NBPF26: variants seen among roughly 807,000 people sequenced by gnomAD.
NBPF26 encodes the protein NBPF member 26.
In NBPF26, 79 loss-of-function variants were observed where a neutral mutation model predicts 119.6. The ratio of observed to expected loss-of-function variants is 0.66; its 90% CI spans 0.55 to 0.80. NBPF26 has a LOEUF of 0.80. NBPF26 is among the 30% of genes least tolerant of loss of function. NBPF26 has a pLI of 0.00. For missense variants in NBPF26, 800 were observed against 1,198.2 expected (o/e 0.67, Z 4.91); for synonymous variants, 299 against 457.7 (o/e 0.65, Z 4.43).
At chr1:120,811,190 G>A (rs1651855406) in intron 9 of NBPF26, among the ~76,000 whole-genome samples, 1 of 105,846 alleles carries the variant, frequency 9.4e-6, no homozygotes, top group South Asian at 2.7e-4. Flanking sequence ...GGAGCTTGCA[G>A]TGAGCCAAGA....
intron 4 of NBPF26, among the ~76,000 whole-genome samples, chr1:120,794,187 A>G (rs1651529289): frequency 8.6e-6 from 1 of 116,524 alleles, no homozygotes; most frequent in Non-Finnish European, 1.6e-5. Flanking sequence ...CACTGATACA[A>G]GTGTTGTAGA....
intron 4 of NBPF26, among the ~76,000 whole-genome samples, chr1:120,801,401 G>A (rs1239825858): frequency 8.8e-6 from 1 of 113,262 alleles, no homozygotes; most frequent in Non-Finnish European, 1.7e-5. Flanking sequence ...TATGGTAAAA[G>A]ACACTGAAAT....
In NBPF26 at chr1:120,729,758, G is replaced by C. The variant is rs1267971817; in HGVS notation, c.73+5508G>C. 2.6e-5 allele frequency among the ~76,000 whole-genome samples: 3 copies of C among 117,096 alleles called. 1 individual carries two copies. Among genetic ancestry groups the C allele is most frequent in the Non-Finnish European group, 4.9e-5 (3 of 61,020 alleles). The allele number at this position is 117,096 out of a possible 152,430, so 76.8% of individuals were successfully genotyped here. ...GCTCAGGTGTTCTCATGGAGATTCTGATTCAGTGCATCTGGAGTGTCATCT... is the reference window on the plus strand; with the variant it reads ...GCTCAGGTGTTCTCATGGAGATTCTCATTCAGTGCATCTGGAGTGTCATCT... On this transcript the variant is annotated intron_variant, in intron 1 of 29. Transcript: ENST00000620612.
intron 1 of NBPF26, among the ~76,000 whole-genome samples, chr1:120,728,544 C>T (rs1650840467): frequency 8.5e-6 from 1 of 117,230 alleles, no homozygotes; most frequent in Non-Finnish European, 1.6e-5. Flanking sequence ...CCATCCACCC[C>T]CTGCCTCTCA....
Position 120,730,807 on chromosome 1 carries a change from T to C in NBPF26, c.73+6557T>C, listed in dbSNP as rs1322947575. 7.6e-5 allele frequency among the ~76,000 whole-genome samples: 3 copies of C among 39,264 alleles called. No individual in the cohort carries two copies. The South Asian group carries it at 1.7e-3, about 22-fold the overall frequency. The allele number at this position is 39,264 out of a possible 152,430, so 25.8% of individuals were successfully genotyped here. On this transcript the variant is annotated intron_variant, in intron 1 of 29. Transcript: ENST00000620612. ...CCTTGGCACTAACATTTGCTATCTT[T>C]GTAGCTCTGCTGTCTTAGTGGTGTA...
exon 4 of NBPF26, chr1:120,793,443 G>A: frequency 2.8e-6 from 4 of 1,441,328 alleles, no homozygotes; most frequent in Non-Finnish European, 3.7e-6. Context: ...TGTGTCAATG[G>A]AGGCACCTGT....
At position 120,816,704 on chromosome 1, in the gene NBPF26, C is replaced by G. The variant is rs1188081327; in HGVS notation, c.2248C>G (p.Pro750Ala). Residue 750 changes from proline to alanine, a missense_variant, in exon 14 of 30, where the codon CCT becomes GCT. Around this residue, in one of 13 missense-constraint regions of NBPF26, gnomAD observed 59 missense variants for 112.3 expected, o/e 0.53. Coordinates refer to ENST00000620612, the Ensembl canonical transcript of NBPF26. ...CATCACTTGTTCAAATAGCCATGGC[C>G]CTTATGACTGCAACCAGCCACATAG... 2 of 1,201,968 alleles carry G rather than the reference C, an allele frequency of 1.7e-6. 1 individual carries two copies. The highest frequency in any genetic ancestry group is 2.3e-6 in the Non-Finnish European group (2 of 879,338). The allele number at this position is 1,201,968 out of a possible 1,614,324, so 74.5% of individuals were successfully genotyped here.
chr1:120,810,354 C>A, exon 9 of NBPF26: 2 of 1,591,208 alleles, frequency 1.3e-6, no homozygotes, highest in Non-Finnish European at 1.7e-6. Flanking sequence ...CAGGGAGGTG[C>A]AGAAGACTGA....
intron 21 of NBPF26, among the ~76,000 whole-genome samples, chr1:120,831,783 G>GTC (rs1571047905): frequency 3.2e-4 from 7 of 21,792 alleles, no homozygotes; most frequent in South Asian, 1.3e-3. Context: ...GTGTGTGTGT[G>GTC]TGTGTGTCTA....
In NBPF26 at chr1:120,840,292, G is replaced by A. The variant is rs1553273373; in HGVS notation, c.4104-58G>A. On this transcript the variant is annotated intron_variant, in intron 29 of 29. Coordinates refer to ENST00000620612, the Ensembl canonical transcript of NBPF26. The stretch of plus-strand genomic sequence containing the variant: ...CTTATGTTACTTCTGAAATCTAGTG[G>A]GGCTCTGTGGTGTCCGATTTTCCCT... 1.4e-5 allele frequency: 20 copies of A among 1,443,396 alleles called. 5 individuals carry two copies. The African/African-American group carries it at 2.9e-4, about 21-fold the overall frequency. The allele number at this position is 1,443,396 out of a possible 1,614,324, so 89.4% of individuals were successfully genotyped here. A position where few individuals can be genotyped will look rare whatever the true frequency, so the allele number is the denominator to read the frequency against.
At chr1:120,806,044 C>T (rs1242444484) in intron 5 of NBPF26, among the ~76,000 whole-genome samples, 1 of 105,628 alleles carries the variant, frequency 9.5e-6, no homozygotes, top group Non-Finnish European at 1.8e-5. Context: ...CTCCAAGGGG[C>T]TCAATCATGT....
At chr1:120,833,236 T>G (rs1652397180) in intron 23 of NBPF26, among the ~76,000 whole-genome samples, 1 of 114,332 alleles carries the variant, frequency 8.7e-6, no homozygotes, top group South Asian at 2.8e-4. Context: ...ATTTTGAGCA[T>G]ATTTTATGGA....
At position 120,792,520 on chromosome 1, in the gene NBPF26, G is replaced by T. The variant is rs1352053699; in HGVS notation, c.416-641G>T. ...AAGGGAAGTTGATTTTTTTTTTTTT[G>T]AAATAGAGTCTTGCTGTGTCGCCCA... On this transcript the variant is annotated intron_variant, in intron 3 of 29. Coordinates refer to ENST00000620612, the Ensembl canonical transcript of NBPF26. 1.5e-4 allele frequency among the ~76,000 whole-genome samples: 17 copies of T among 109,824 alleles called. 2 individuals are homozygous for T. Among genetic ancestry groups the T allele is most frequent in the Admixed American group, 9.6e-4 (11 of 11,428 alleles). The allele number at this position is 109,824 out of a possible 152,430, so 72.0% of individuals were successfully genotyped here.
In NBPF26 at chr1:120,747,637, A is replaced by G. The variant is rs1650990717; in HGVS notation, c.74-15991A>G. Among the ~76,000 whole-genome samples, 2 of 28,124 alleles carry G rather than the reference A, an allele frequency of 7.1e-5. 1 individual carries two copies. Among genetic ancestry groups the G allele is most frequent in the African/African-American group, 8.8e-4 (2 of 2,270 alleles). 18.5% of individuals were successfully genotyped at this position (28,124 alleles called of 152,430 possible). A position where few individuals can be genotyped will look rare whatever the true frequency, so the allele number is the denominator to read the frequency against. On this transcript the variant is annotated intron_variant, in intron 1 of 29. Transcript: ENST00000620612. The stretch of plus-strand genomic sequence containing the variant: ...CATATGTTAACTCTAAGTAAAGCTT[A>G]TTATATGTTTTTTAGCCCATAAATA...
At position 120,811,418 on chromosome 1, in the gene NBPF26, G is replaced by A. The variant is rs1456350784; in HGVS notation, c.1565-468G>A. 1.1e-4 allele frequency among the ~76,000 whole-genome samples: 12 copies of A among 107,146 alleles called. 4 individuals carry two copies. The highest frequency in any genetic ancestry group is 5.6e-4 in the African/African-American group (9 of 16,196). 70.3% of individuals were successfully genotyped at this position (107,146 alleles called of 152,430 possible). On this transcript the variant is annotated intron_variant, in intron 9 of 29. Transcript: ENST00000620612. ...AAAATTAGCTGGCATGTTACTTGGC[G>A]CTTGTAATCCCAGATGCTTGGCAGG...
chr1:120,798,629 C>CTTTTCT (rs1553268919), intron 4 of NBPF26, among the ~76,000 whole-genome samples: 2 of 29,352 alleles, frequency 6.8e-5, no homozygotes, highest in African/African-American at 1.2e-4. Context: ...CTTTTCTTTT[C>CTTTTCT]TTTTTTTTTT....
At chr1:120,790,546 T>C (rs1466032482) in intron 3 of NBPF26, among the ~76,000 whole-genome samples, 1 of 93,448 alleles carries the variant, frequency 1.1e-5, no homozygotes, top group Non-Finnish European at 1.9e-5. Context: ...CTTTCTTTCT[T>C]TCTTTCTTTC....
rs1651986919 is a variant in NBPF26 at position 120,815,434 on chromosome 1, C to A, written c.2092+391C>A. 3.0e-4 allele frequency among the ~76,000 whole-genome samples: 33 copies of A among 109,932 alleles called. 8 individuals are homozygous for A. The South Asian group carries it at 8.7e-3, about 29-fold the overall frequency. The allele number at this position is 109,932 out of a possible 152,430, so 72.1% of individuals were successfully genotyped here. Reference sequence around the variant, plus strand: ...TCAGAGAGTGAATGACTTGTCCTTCCTGAGTTTCTCTCTCTCCGTGGCAGA... The same window carrying A: ...TCAGAGAGTGAATGACTTGTCCTTCATGAGTTTCTCTCTCTCCGTGGCAGA... On this transcript the variant is annotated intron_variant, in intron 12 of 29. Coordinates refer to ENST00000620612, the Ensembl canonical transcript of NBPF26.
intron 2 of NBPF26, among the ~76,000 whole-genome samples, chr1:120,779,916 C>G (rs1451217458): frequency 0.11 from 9,405 of 82,518 alleles, 78 homozygotes; most frequent in African/African-American, 0.31. Flanking sequence ...GACTGTCTTA[C>G]CTATTACTCC....
Sources: allele counts gnomAD v4.1 joint callset (sites outside exome capture counted in the v4.1 genomes callset), GRCh38; gene constraint gnomAD v4.1.1; regional missense constraint gnomAD v4.1.1; transcripts MANE v1.5; gene names NCBI Gene and HGNC (gene_info 2026-07-23, HGNC 2026-07-21).